The following GNA15 variants were observed in gnomAD, a reference collection of about 807,000 sequenced individuals.
GNA15 encodes guanine nucleotide-binding protein subunit alpha-15.
GNA15 carries 23 observed loss-of-function variants against 40.1 expected under a neutral mutation model. The ratio of observed to expected loss-of-function variants is 0.57; its 90% CI spans 0.41 to 0.81. GNA15 has a LOEUF of 0.81. Ranked by LOEUF, GNA15 falls within the 40% of genes least tolerant of loss-of-function variation. The pLI is 0.00. For missense variants in GNA15, 522 were observed against 515.8 expected (o/e 1.01, Z -0.12); for synonymous variants, 226 against 210.4 (o/e 1.07, Z -0.64).
chr19:3,156,749 G>T (rs1169109839), intron 5 of GNA15, among the ~76,000 whole-genome samples: 1 of 151,998 alleles, frequency 6.6e-6, no homozygotes, highest in Non-Finnish European at 1.5e-5. Flanking sequence ...GCCCGCCTCG[G>T]CCTCCCAAAG....
rs411210 is a variant in GNA15 at position 3,136,694 on chromosome 19, T to G, written c.145+99T>G. The G allele has an allele frequency of 3.4e-5, 37 of 1,087,712 alleles. No homozygotes were observed. The highest frequency in any genetic ancestry group is 2.9e-5 in the Non-Finnish European group (22 of 761,306). 67.4% of individuals were successfully genotyped at this position (1,087,712 alleles called of 1,614,324 possible). A position where few individuals can be genotyped will look rare whatever the true frequency, so the allele number is the denominator to read the frequency against. On this transcript the variant is annotated intron_variant, in intron 1 of 6. Coordinates refer to ENST00000262958, the MANE Select transcript of GNA15 (RefSeq NM_002068.4). The surrounding 1 kb of genome is among the most constrained non-coding windows in gnomAD (Gnocchi z 4.9). ...GAGGCGGATCAGGCTAGGTCAGACA[T>G]TGGCATCGTGGAGCCGTCGCCTCCT...
chr19:3,152,771 C>A (rs939940579), intron 4 of GNA15, among the ~76,000 whole-genome samples: 1 of 152,096 alleles, frequency 6.6e-6, no homozygotes, highest in East Asian at 1.9e-4. Flanking sequence ...GTTTGACCTA[C>A]CCCTATTTGG....
At chr19:3,147,887 C>CAA (rs369228868) in intron 1 of GNA15, among the ~76,000 whole-genome samples, 3,456 of 107,370 alleles carry the variant, frequency 0.032, 111 homozygotes, top group African/African-American at 0.077. Flanking sequence ...GACTCCATCT[C>CAA]AAAAAAAAAA....
Position 3,157,863 on chromosome 19 carries a change from T to A in GNA15, c.880T>A (p.Tyr294Asn). 6.2e-7 allele frequency: 1 copy of A among 1,613,360 alleles called. No homozygotes were observed. The highest frequency in any genetic ancestry group is 1.1e-5 in the South Asian group (1 of 91,076). ...EKIPTSHLAT[Y>N]FPSFQGPKQD... ...AATCCCCACCTCCCACCTGGCTACC[T>A]ATTTCCCCAGTTTCCAGGGTAAGTA... The change falls in exon 6 of 7, where the codon TAT becomes AAT. Residue 294 changes from tyrosine (Y) to asparagine (N), a missense_variant. By Grantham distance (143) the Tyr-to-Asn change is moderately radical. Coordinates refer to ENST00000262958, the MANE Select transcript of GNA15 (RefSeq NM_002068.4).
At chr19:3,158,328 T>C (rs1412633000) in intron 6 of GNA15, among the ~76,000 whole-genome samples, 1 of 151,986 alleles carries the variant, frequency 6.6e-6, no homozygotes, top group African/African-American at 2.4e-5. Flanking sequence ...TTTTGTGTTT[T>C]TAGTACGAAA....
At chr19:3,156,190 A>ACACG (rs1915010353) in intron 5 of GNA15, among the ~76,000 whole-genome samples, 1 of 108,374 alleles carries the variant, frequency 9.2e-6, no homozygotes, top group African/African-American at 3.6e-5. Flanking sequence ...ACACACACAC[A>ACACG]CACACACACA....
rs571796610 is a variant in GNA15 at position 3,162,719 on chromosome 19, G to C, written c.899-74G>C. On this transcript the variant is annotated intron_variant, in intron 6 of 6. Coordinates refer to ENST00000262958, the MANE Select transcript of GNA15 (RefSeq NM_002068.4). The stretch of plus-strand genomic sequence containing the variant: ...TGGGTCCCTTCAGTGCTGGTTACAG[G>C]GAAGAGGGTCTCCAGAGGCCCCCTG... 6 of 923,380 alleles carry C rather than the reference G, an allele frequency of 6.5e-6. No homozygotes were observed. The African/African-American group carries it at 8.1e-5, about 13-fold the overall frequency. 57.2% of individuals were successfully genotyped at this position (923,380 alleles called of 1,614,324 possible).
chr19:3,151,784 C>G lies in GNA15; in HGVS notation c.563C>G (p.Pro188Arg). ...CAGGACGTGCTCCGCAGCCGCATGC[C>G]CACCACTGGCATCAACGAGTACTGC... ...TAQDVLRSRM[P>R]TTGINEYCFS... The change falls in exon 4 of 7, where the codon CCC (proline) becomes CGC (arginine). Residue 188 changes from proline to arginine, a missense_variant. By Grantham distance (103) the Pro-to-Arg change is moderately radical. Transcript: ENST00000262958. The surrounding 1 kb of genome is among the most constrained non-coding windows in gnomAD (Gnocchi z 5.0). 1 of 1,612,834 alleles carries G rather than the reference C, an allele frequency of 6.2e-7. No individual in the cohort carries two copies. Among genetic ancestry groups the G allele is most frequent in the Non-Finnish European group, 8.5e-7 (1 of 1,179,630 alleles).
At chr19:3,148,867 TCAGGGCAGGGCAGGG>T (rs201896289) in intron 2 of GNA15, 92 bp downstream of exon 2, 61 of 1,200,174 alleles carry the variant, frequency 5.1e-5, no homozygotes, top group Non-Finnish European at 6.7e-5. Context: ...TCCCCAGACT[TCAGGGCAGGGCAGGG>T]CAGGGCAGGG....
At position 3,163,194 on chromosome 19, in the gene GNA15, GC is replaced by G; in HGVS notation, c.*181del. 2 of 602,360 alleles carry G rather than the reference GC, an allele frequency of 3.3e-6. No homozygotes were observed. The highest frequency in any genetic ancestry group is 5.9e-6 in the Non-Finnish European group (2 of 336,912). The allele number at this position is 602,360 out of a possible 1,614,324, so 37.3% of individuals were successfully genotyped here. A position where few individuals can be genotyped will look rare whatever the true frequency, so the allele number is the denominator to read the frequency against. On this transcript the variant is annotated 3_prime_UTR_variant, in exon 7 of 7. Transcript: ENST00000262958. ...TTCTCTGCCTCTCACCAGGACAGCCGCCCCCCAGGGTACTCCTGCCCTTGCT... is the reference window on the plus strand; with the variant it reads ...TTCTCTGCCTCTCACCAGGACAGCCGCCCCCAGGGTACTCCTGCCCTTGCT...
Position 3,136,699 on chromosome 19 carries a change from A to T in GNA15, c.145+104A>T, listed in dbSNP as rs1185761236. On this transcript the variant is annotated intron_variant, in intron 1 of 6. Transcript: ENST00000262958. The surrounding 1 kb of genome is among the most constrained non-coding windows in gnomAD (Gnocchi z 4.9). Reference sequence around the variant, plus strand: ...GGATCAGGCTAGGTCAGACATTGGCATCGTGGAGCCGTCGCCTCCTCCCAG... The same window carrying T: ...GGATCAGGCTAGGTCAGACATTGGCTTCGTGGAGCCGTCGCCTCCTCCCAG... 4 of 1,002,200 alleles carry T rather than the reference A, an allele frequency of 4.0e-6. No homozygotes were observed. The highest frequency in any genetic ancestry group is 1.6e-5 in the African/African-American group (1 of 61,058). 62.1% of individuals were successfully genotyped at this position (1,002,200 alleles called of 1,614,324 possible).
Position 3,148,619 on chromosome 19 carries a change from C to A in GNA15, c.174C>A (p.Phe58Leu). 6.3e-7 allele frequency: 1 copy of A among 1,586,754 alleles called. No homozygotes were observed. Among genetic ancestry groups the A allele is most frequent in the African/African-American group, 1.3e-5 (1 of 74,508 alleles). Residue 58 changes from phenylalanine to leucine, a missense_variant, in exon 2 of 7, where the codon TTC (phenylalanine) becomes TTA (leucine). Transcript: ENST00000262958. The part of the protein sequence containing the change: ...LGPGESGKST[F>L]IKQMRIIHGA... ...CAGGCGAGAGCGGGAAGAGCACCTT[C>A]ATCAAGCAGATGCGGATCATCCACG...
intron 6 of GNA15, among the ~76,000 whole-genome samples, chr19:3,161,149 G>T (rs1915131566): frequency 6.6e-6 from 1 of 152,004 alleles, no homozygotes; most frequent in South Asian, 2.1e-4. Context: ...TCGCCATGTT[G>T]CCCAGGCTGA....
intron 2 of GNA15, 80 bp from the exon 3 acceptor site, chr19:3,150,051 G>A (rs1315205611): frequency 8.8e-6 from 11 of 1,255,440 alleles, no homozygotes; most frequent in Admixed American, 2.0e-5. Flanking sequence ...AGGGAGGGAC[G>A]TGGGGGCTTG....
intron 5 of GNA15, among the ~76,000 whole-genome samples, chr19:3,156,330 T>C (rs760025463): frequency 6.6e-6 from 1 of 150,910 alleles, no homozygotes; most frequent in Admixed American, 6.6e-5. Context: ...GCACAACACA[T>C]GCACACGAAC....
intron 1 of GNA15, among the ~76,000 whole-genome samples, chr19:3,139,753 G>A (rs1442177225): frequency 6.6e-6 from 1 of 151,706 alleles, no homozygotes; most frequent in Non-Finnish European, 1.5e-5. Flanking sequence ...TAAAAAATCA[G>A]GGCTGGGTGC....
chr19:3,152,455 G>A (rs1474063453), intron 4 of GNA15, among the ~76,000 whole-genome samples: 2 of 152,080 alleles, frequency 1.3e-5, no homozygotes, highest in Admixed American at 1.3e-4. Flanking sequence ...CGGTGGGCTA[G>A]AGGATGAAAA....
At chr19:3,152,476 G>T (rs758016985) in intron 4 of GNA15, among the ~76,000 whole-genome samples, 21 of 152,080 alleles carry the variant, frequency 1.4e-4, no homozygotes, top group Non-Finnish European at 2.4e-4. Context: ...GGTGGTGATG[G>T]AGTCCTTTGG....
At chr19:3,142,029 T>C (rs542891118) in intron 1 of GNA15, 2 of 152,740 alleles carry the variant, frequency 1.3e-5, no homozygotes, top group Non-Finnish European at 2.9e-5. Context: ...GCAGCTGCGT[T>C]TCCTGTGAGG....
Sources: gnomAD v4.1 joint callset for allele counts (sites outside exome capture counted in the v4.1 genomes callset) on GRCh38, gnomAD v4.1.1 for gene constraint, Gnocchi (gnomAD v3.1) non-coding constraint, MANE v1.5 for transcripts, NCBI Gene and HGNC (gene_info 2026-07-23, HGNC 2026-07-21) for gene names.